Variants in NBDY observed in about 807,000 individuals in gnomAD.
NBDY encodes P-body dissociating protein.
intron 2 of NBDY, among the ~76,000 whole-genome samples, chrX:56,793,352 C>G (rs1453784937): frequency 9.0e-6 from 1 of 111,684 alleles, no homozygotes; most frequent in Non-Finnish European, 1.9e-5. Context: ...TGGAGAGGAC[C>G]AAAGGAAGGG....
chrX:56,742,897 G>A (rs1207519763), intron 2 of NBDY, among the ~76,000 whole-genome samples: 7 of 111,493 alleles, frequency 6.3e-5, no homozygotes, highest in Admixed American at 9.5e-5. Context: ...TCCTTGTCAT[G>A]TTTCAGATCT....
At chrX:56,736,561 C>T (rs776618526) in intron 2 of NBDY, among the ~76,000 whole-genome samples, 121 of 112,523 alleles carry the variant, frequency 1.1e-3, no homozygotes, top group African/African-American at 3.6e-3. Flanking sequence ...CCACCACGCC[C>T]GGCCAATGAT....
At chrX:56,737,355 T>C (rs758087970) in intron 2 of NBDY, 222 of 709,377 alleles carry the variant, frequency 3.1e-4, no homozygotes, top group Middle Eastern at 9.4e-4. Flanking sequence ...TTAGGCAAGA[T>C]CTGATGCTTC....
intron 2 of NBDY, among the ~76,000 whole-genome samples, chrX:56,803,680 G>A (rs902335621): frequency 2.7e-5 from 3 of 112,031 alleles, no homozygotes; most frequent in African/African-American, 6.5e-5. Context: ...GTCTGTGCCT[G>A]TCAGAAGGCA....
At chrX:56,811,626 A>G (rs2069887160) in intron 2 of NBDY, among the ~76,000 whole-genome samples, 1 of 111,919 alleles carries the variant, frequency 8.9e-6, no homozygotes, top group African/African-American at 3.3e-5. Context: ...CCAGGGTCCC[A>G]GGTCAAGCTC....
At chrX:56,808,604 A>G (rs1398654396) in intron 2 of NBDY, among the ~76,000 whole-genome samples, 2 of 112,050 alleles carry the variant, frequency 1.8e-5, no homozygotes, top group Non-Finnish European at 3.8e-5. Context: ...CAGTGGTGAT[A>G]TCCCCTTTAT....
chrX:56,784,831 C>T (rs940385555), intron 2 of NBDY, among the ~76,000 whole-genome samples: 4 of 111,936 alleles, frequency 3.6e-5, no homozygotes, highest in Non-Finnish European at 5.6e-5. Context: ...GAAATCCTGA[C>T]GCGGGCCATC....
At chrX:56,749,168 A>G (rs1352483467) in intron 2 of NBDY, among the ~76,000 whole-genome samples, 1 of 110,270 alleles carries the variant, frequency 9.1e-6, no homozygotes, top group Admixed American at 9.7e-5. Flanking sequence ...GGTGATTGGA[A>G]AGTTTGTGAA....
Position 56,789,050 on chromosome X carries a change from C to T in NBDY, c.*167-28270C>T, listed in dbSNP as rs772466954. 4.4e-5 allele frequency among the ~76,000 whole-genome samples: 5 copies of T among 112,871 alleles called. No homozygotes were observed. In the South Asian group the frequency reaches 1.1e-3, roughly 25 times the overall value. On this transcript the variant is annotated intron_variant, in intron 2 of 2. Transcript: ENST00000374922. ...CTTCCTCTGGGTGGCACTGTGGCTC[C>T]GCAAATGGCAGTCACGTCTTTTCCT...
intron 2 of NBDY, among the ~76,000 whole-genome samples, chrX:56,762,154 G>T (rs189608913): frequency 2.0e-4 from 22 of 111,457 alleles, no homozygotes; most frequent in Middle Eastern, 4.6e-3. Context: ...ATGTCACCAC[G>T]CATTGAGGCA....
intron 2 of NBDY, among the ~76,000 whole-genome samples, chrX:56,808,255 T>C (rs976021499): frequency 8.9e-6 from 1 of 112,246 alleles, no homozygotes; most frequent in African/African-American, 3.2e-5. Context: ...ATCAGGATGA[T>C]GCTGGCCTCA....
At chrX:56,729,657 C>T (rs2146709014) in intron 1 of NBDY, 68 bp downstream of exon 1, 2 of 293,164 alleles carry the variant, frequency 6.8e-6, no homozygotes, top group South Asian at 4.7e-4. Flanking sequence ...CACAAATTTC[C>T]TTCCCCTTTT....
intron 2 of NBDY, among the ~76,000 whole-genome samples, chrX:56,736,999 T>G (rs751922296): frequency 8.9e-6 from 1 of 111,826 alleles, no homozygotes; most frequent in East Asian, 2.8e-4. Flanking sequence ...GGAAAACTGA[T>G]AAAGTGGCCT....
chrX:56,782,141 A>G (rs1239128473), intron 2 of NBDY, among the ~76,000 whole-genome samples: 2 of 111,583 alleles, frequency 1.8e-5, no homozygotes, highest in African/African-American at 6.5e-5. Flanking sequence ...ATGTCACCAC[A>G]CACTGAGGTC....
At chrX:56,741,022 C>T (rs2069529968) in intron 2 of NBDY, among the ~76,000 whole-genome samples, 1 of 111,025 alleles carries the variant, frequency 9.0e-6, no homozygotes, top group South Asian at 3.8e-4. Context: ...AACCATCTTT[C>T]TACTCTCCAT....
chrX:56,809,147 C>T (rs2069871664), intron 2 of NBDY, among the ~76,000 whole-genome samples: 1 of 112,072 alleles, frequency 8.9e-6, no homozygotes, highest in African/African-American at 3.2e-5. Context: ...CGTTCTTTTG[C>T]ATTTGCTGAG....
chrX:56,745,810 T>TATGA (rs2069554605), intron 2 of NBDY, among the ~76,000 whole-genome samples: 1 of 87,620 alleles, frequency 1.1e-5, no homozygotes, highest in Non-Finnish European at 2.3e-5. Context: ...TGTCTCACAG[T>TATGA]ATGAAATGTG....
intron 2 of NBDY, among the ~76,000 whole-genome samples, chrX:56,757,856 G>C (rs1383888711): frequency 1.8e-5 from 2 of 111,271 alleles, no homozygotes; most frequent in African/African-American, 6.5e-5. Context: ...GTATGGTGAG[G>C]GGAGCTTGTA....
chrX:56,799,081 C>T (rs910161664), intron 2 of NBDY, among the ~76,000 whole-genome samples: 5 of 112,158 alleles, frequency 4.5e-5, no homozygotes, highest in Non-Finnish European at 9.4e-5. Flanking sequence ...GTGGAGCCCC[C>T]AGGCTGAAGC....
Sources: gnomAD v4.1 joint callset for allele counts (sites outside exome capture counted in the v4.1 genomes callset) on GRCh38, gnomAD v4.1.1 for gene constraint, MANE v1.5 for transcripts, NCBI Gene and HGNC (gene_info 2026-07-23, HGNC 2026-07-21) for gene names.